The following AGO4 variants were observed in gnomAD, a reference collection of about 807,000 sequenced individuals.
AGO4 encodes the protein argonaute RISC component 4.
Under a neutral mutation model 104.7 loss-of-function variants are expected in AGO4, and 33 were observed. The ratio of observed to expected loss-of-function variants is 0.32; its 90% CI spans 0.24 to 0.42. The LOEUF (loss-of-function observed/expected upper bound fraction) is 0.42. AGO4 is among the 10% of genes least tolerant of loss of function. The pLI is 1.00. For missense variants in AGO4, 711 were observed against 1,083.4 expected, an observed-to-expected ratio of 0.66 and a Z score of 4.83; for synonymous variants, 331 against 364.7, an observed-to-expected ratio of 0.91 and a Z score of 1.05.
At chr1:35,840,327 AT>A (rs1224274363) in intron 13 of AGO4, among the ~76,000 whole-genome samples, 1 of 151,814 alleles carries the variant, frequency 6.6e-6, no homozygotes, top group Non-Finnish European at 1.5e-5. Flanking sequence ...CACCTGGCTA[AT>A]TTTTGTATTT....
At chr1:35,820,838 C>G (rs1643873728) in intron 2 of AGO4, among the ~76,000 whole-genome samples, 1 of 152,134 alleles carries the variant, frequency 6.6e-6, no homozygotes, top group Admixed American at 6.6e-5. Context: ...ATTCTAAATA[C>G]TCTATGTATT....
chr1:35,850,055 A>T, intron 15 of AGO4, 102 bp from the exon 16 acceptor site: 1 of 704,694 alleles, frequency 1.4e-6, no homozygotes, highest in South Asian at 1.8e-5. Flanking sequence ...AAGACTTAAG[A>T]GACATTTACC....
intron 2 of AGO4, among the ~76,000 whole-genome samples, 193 bp downstream of exon 2, chr1:35,817,240 A>G (rs538189317): frequency 1.3e-5 from 2 of 152,262 alleles, no homozygotes; most frequent in African/African-American, 2.4e-5. Flanking sequence ...ATATATTATT[A>G]GTCAATCAGT....
rs752538650 is a variant in AGO4 at position 35,817,078 on chromosome 1, A to G, written c.185+31A>G. 21 of 1,543,820 alleles carry G rather than the reference A, an allele frequency of 1.4e-5. No homozygotes were observed. In the East Asian group the frequency reaches 3.0e-4, roughly 22 times the overall value. On this transcript the variant is annotated intron_variant, in intron 2 of 17. Coordinates refer to ENST00000373210, the MANE Select transcript of AGO4 (RefSeq NM_017629.4). ...GATTAGAAACAGTGGATTTCTGTAT[A>G]TTTAAGTGCATATAATTTATTTATG... is the stretch of plus-strand genomic sequence containing the variant.
At chr1:35,821,020 T>C (rs1032591047) in intron 2 of AGO4, among the ~76,000 whole-genome samples, 11 of 152,190 alleles carry the variant, frequency 7.2e-5, no homozygotes, top group Non-Finnish European at 1.5e-4. Context: ...CACTTAATCA[T>C]TGTGTGATCA....
intron 15 of AGO4, 89 bp from the exon 16 acceptor site, chr1:35,850,068 C>A: frequency 1.3e-6 from 1 of 780,398 alleles, no homozygotes; most frequent in Non-Finnish European, 2.1e-6. Flanking sequence ...CATTTACCAA[C>A]TTGCTCCCAA....
At position 35,808,648 on chromosome 1, in the gene AGO4, A is replaced by G. The variant is rs1643382076; in HGVS notation, c.19+213A>G. On this transcript the variant is annotated intron_variant, in intron 1 of 17. Transcript: ENST00000373210. The surrounding 1 kb of genome is among the most constrained non-coding windows in gnomAD (Gnocchi z 5.2). The stretch of plus-strand genomic sequence containing the variant: ...GGCCGTTGGGTGGATCCCGAGGTCC[A>G]GGGGGGAGGTTCGGGAAGGTGACCG... Among the ~76,000 whole-genome samples the G allele has an allele frequency of 6.6e-6, 1 of 151,958 alleles. No homozygotes were observed.
At chr1:35,812,684 C>CA (rs1643548166) in intron 1 of AGO4, among the ~76,000 whole-genome samples, 1 of 152,188 alleles carries the variant, frequency 6.6e-6, no homozygotes, top group East Asian at 1.9e-4. Context: ...CTGCACCTCC[C>CA]AGGTTCAAGC....
Position 35,825,787 on chromosome 1 carries a change from C to A in AGO4, c.597C>A (p.Ala199=). 6.3e-7 allele frequency: 1 copy of A among 1,592,516 alleles called. No individual in the cohort carries two copies. The highest frequency in any genetic ancestry group is 8.5e-7 in the Non-Finnish European group (1 of 1,171,450). ...GTTTTCATCAGTCTGTGAGACCTGC[C>A]ATGTGGAATATGATGCTCAACATTG... ...WFGFHQSVRP[A]MWNMMLNIDV... Residue 199 remains alanine, a synonymous_variant, in exon 5 of 18, where the codon GCC becomes GCA. Coordinates refer to ENST00000373210, the MANE Select transcript of AGO4 (RefSeq NM_017629.4).
In AGO4 at chr1:35,831,461, G is replaced by T; in HGVS notation, c.883G>T (p.Glu295Ter). 6.2e-7 allele frequency: 1 copy of T among 1,613,646 alleles called. No individual in the cohort carries two copies. The change falls in exon 8 of 18, where the codon GAA (glutamate) becomes TAA (stop). Residue 295 changes from glutamate (E) to a stop codon, truncating the protein, a stop_gained. Transcript: ENST00000373210. LOFTEE classifies it high-confidence loss of function. ...PLQLENGQAM[E>*]CTVAQYFKQK... is the part of the protein sequence containing the mutation. ...GCAGCTAGAAAACGGTCAAGCTATG[G>T]AATGTACAGTAGCTCAATATTTTAA...
chr1:35,814,971 G>A (rs936882759), intron 1 of AGO4, among the ~76,000 whole-genome samples: 2 of 152,038 alleles, frequency 1.3e-5, no homozygotes, highest in African/African-American at 2.4e-5. Flanking sequence ...TCTGCCTCCC[G>A]GGTTCAAGCG....
intron 2 of AGO4, among the ~76,000 whole-genome samples, chr1:35,821,010 C>G (rs1643876653): frequency 6.6e-6 from 1 of 152,020 alleles, no homozygotes; most frequent in Admixed American, 6.6e-5. Flanking sequence ...GCAGTTCTGC[C>G]ACTTAATCAT....
In AGO4 at chr1:35,808,699, G is replaced by A. The variant is rs1201205512; in HGVS notation, c.19+264G>A. ...GCGCTGCCGGGCGGAGGCCACTCTTGGCCCCACCTCGGGGAGACGATATGT... is the reference window on the plus strand; with the variant it reads ...GCGCTGCCGGGCGGAGGCCACTCTTAGCCCCACCTCGGGGAGACGATATGT... On this transcript the variant is annotated intron_variant, in intron 1 of 17. Coordinates refer to ENST00000373210, the MANE Select transcript of AGO4 (RefSeq NM_017629.4). This position sits in a 1 kb window ranked among gnomAD's most constrained non-coding sequence, Gnocchi z 5.2. 2.0e-5 allele frequency among the ~76,000 whole-genome samples: 3 copies of A among 152,154 alleles called. No homozygotes were observed. Among genetic ancestry groups the A allele is most frequent in the Non-Finnish European group, 4.4e-5 (3 of 68,002 alleles).
rs1031468003 is a variant in AGO4 at position 35,833,878 on chromosome 1, T to C, written c.1380-112T>C. 6.2e-6 allele frequency: 6 copies of C among 965,120 alleles called. No homozygotes were observed. The African/African-American group carries it at 1.0e-4, about 16-fold the overall frequency. The allele number at this position is 965,120 out of a possible 1,614,324, so 59.8% of individuals were successfully genotyped here. ...ATTTTTATTTATTTGTTTACTTGTT[T>C]CTAAATTTGGCTAAGAATTTACAAA... On this transcript the variant is annotated intron_variant, in intron 11 of 17. Transcript: ENST00000373210.
chr1:35,826,032 G>C lies in AGO4; in HGVS notation c.732G>C (p.Gln244His). 6.2e-7 allele frequency: 1 copy of C among 1,614,106 alleles called. No homozygotes were observed. The highest frequency in any genetic ancestry group is 8.5e-7 in the Non-Finnish European group (1 of 1,180,024). Residue 244 changes from glutamine (Q) to histidine (H), a missense_variant, in exon 6 of 18, where the codon CAG becomes CAC. Gln to His is a conservative substitution (Grantham distance 24). Around this residue, in one of 3 missense-constraint regions of AGO4, gnomAD observed 308 missense variants for 397.8 expected, o/e 0.77. Coordinates refer to ENST00000373210, the MANE Select transcript of AGO4 (RefSeq NM_017629.4). Reference sequence around the variant, plus strand: ...AGACCAAACCTCTAACAGACTCCCAGCGTGTCAAATTTACCAAAGAAATCA... The same window carrying C: ...AGACCAAACCTCTAACAGACTCCCACCGTGTCAAATTTACCAAAGAAATCA... ...NEQTKPLTDS[Q>H]RVKFTKEIRG...
intron 1 of AGO4, among the ~76,000 whole-genome samples, chr1:35,812,871 C>A (rs766011666): frequency 6.6e-6 from 1 of 151,904 alleles, no homozygotes; most frequent in Non-Finnish European, 1.5e-5. Context: ...GGATTACAGG[C>A]ATGAGCCACT....
chr1:35,840,031 A>AC (rs1644401593), intron 13 of AGO4, among the ~76,000 whole-genome samples: 1 of 151,442 alleles, frequency 6.6e-6, no homozygotes, highest in Admixed American at 6.6e-5. Context: ...TTCCTCTGTC[A>AC]CCCAGGCTGG....
At position 35,825,340 on chromosome 1, in the gene AGO4, G is replaced by A. The variant is rs780869670; in HGVS notation, c.334G>A (p.Glu112Lys). 4.3e-6 allele frequency: 7 copies of A among 1,613,934 alleles called. No homozygotes were observed. The highest frequency in any genetic ancestry group is 2.2e-5 in the East Asian group (1 of 44,882). ...TGATATGGAGGTGACTCTTCCAGGC[G>A]AGGGTAAAGACCAAACATTTAAAGT... Reference protein sequence around the residue: ...RVDMEVTLPGEGKDQTFKVSV... With the variant: ...RVDMEVTLPGKGKDQTFKVSV... Residue 112 changes from glutamate (E) to lysine (K), a missense_variant, in exon 4 of 18, where the codon GAG becomes AAG. Coordinates refer to ENST00000373210, the MANE Select transcript of AGO4 (RefSeq NM_017629.4).
intron 12 of AGO4, among the ~76,000 whole-genome samples, chr1:35,834,784 A>G (rs1340724958): frequency 6.6e-6 from 1 of 151,856 alleles, no homozygotes; most frequent in Non-Finnish European, 1.5e-5. Context: ...CAGCCTCACA[A>G]TCCTGGGCTC....
Sources: allele counts gnomAD v4.1 joint callset (sites outside exome capture counted in the v4.1 genomes callset), GRCh38; gene constraint gnomAD v4.1.1; regional missense constraint gnomAD v4.1.1; non-coding constraint Gnocchi (gnomAD v3.1); transcripts MANE v1.5; gene names NCBI Gene and HGNC (gene_info 2026-07-23, HGNC 2026-07-21).